FGF14: variants seen among roughly 807,000 people sequenced by gnomAD.
FGF14 encodes fibroblast growth factor 14.
FGF14 carries 5 observed loss-of-function variants against 25.5 expected under a neutral mutation model. The observed-to-expected ratio is 0.20, with a 90% CI of 0.10 to 0.41. FGF14 has a LOEUF of 0.41. Among genes scored for constraint, FGF14 ranks in the 10% least tolerant of loss-of-function variants. The pLI, the probability that FGF14 is intolerant of heterozygous loss-of-function variation, is 1.00. For synonymous variants in FGF14, 138 were observed against 118.3 expected, an observed-to-expected ratio of 1.17 and a Z score of -1.08; for missense variants, 222 against 320.1, an observed-to-expected ratio of 0.69 and a Z score of 2.34.
At chr13:101,936,043 T>C (rs1345680435) in intron 1 of FGF14, among the ~76,000 whole-genome samples, 1 of 152,216 alleles carries the variant, frequency 6.6e-6, no homozygotes, top group Non-Finnish European at 1.5e-5. Context: ...AAACATCCCA[T>C]ATAAACTAAC....
At chr13:102,379,223 T>C (rs969616144) in intron 1 of FGF14, among the ~76,000 whole-genome samples, 4 of 152,096 alleles carry the variant, frequency 2.6e-5, no homozygotes, top group African/African-American at 9.7e-5. Flanking sequence ...ATATCTAAAT[T>C]AAAGGCATTA....
Position 102,036,613 on chromosome 13 carries a change from G to T in FGF14, c.209-161317C>A, listed in dbSNP as rs530654425. 3.3e-5 allele frequency among the ~76,000 whole-genome samples: 5 copies of T among 152,106 alleles called. No individual in the cohort carries two copies. The South Asian group carries it at 1.0e-3, about 32-fold the overall frequency. The stretch of plus-strand genomic sequence containing the variant: ...ACGGTATTTATATGAAATTTCTGAA[G>T]ATATAAGGAAGCAATAAGAAACTAA... On this transcript the variant is annotated intron_variant, in intron 1 of 4. Transcript: ENST00000376131.
At chr13:102,216,848 A>C (rs1441047014) in intron 1 of FGF14, among the ~76,000 whole-genome samples, 1 of 152,062 alleles carries the variant, frequency 6.6e-6, no homozygotes, top group African/African-American at 2.4e-5. Context: ...TCACAATTCT[A>C]TTTTCTAAGT....
chr13:101,751,177 A>T (rs2037248066), intron 3 of FGF14, among the ~76,000 whole-genome samples: 1 of 152,142 alleles, frequency 6.6e-6, no homozygotes, highest in Admixed American at 6.6e-5. Flanking sequence ...CCTAGAGTTA[A>T]CTCTAATGTA....
intron 1 of FGF14, among the ~76,000 whole-genome samples, chr13:102,198,181 C>T (rs775312310): frequency 9.9e-5 from 15 of 152,110 alleles, no homozygotes; most frequent in Non-Finnish European, 1.3e-4. Context: ...CAGCCTCAAA[C>T]AGGGATGCTT....
In FGF14 at chr13:102,119,645, C is replaced by T. The variant is rs139703436; in HGVS notation, c.209-244349G>A. ...AATAATATATATGTATGTCTGTGTG[C>T]ATATATATATTCTATATTCACGCAC... On this transcript the variant is annotated intron_variant, in intron 1 of 4. Coordinates refer to the FGF14 transcript ENST00000376131. Among the ~76,000 whole-genome samples, 991 of 152,088 alleles carry T rather than the reference C, an allele frequency of 6.5e-3. 5 individuals carry two copies. The highest frequency in any genetic ancestry group is 0.027 in the Middle Eastern group (8 of 294).
chr13:102,296,994 TCAA>T (rs373629056), intron 1 of FGF14, among the ~76,000 whole-genome samples: 4 of 152,156 alleles, frequency 2.6e-5, no homozygotes, highest in Admixed American at 1.3e-4. Context: ...AATCATTTAA[TCAA>T]CAACAACAAC....
rs1853079381 is a variant in FGF14 at position 101,718,494 on chromosome 13, G to C, written c.*4337C>G. 6.6e-6 allele frequency: 1 copy of C among 152,042 alleles called. No homozygotes were observed. Among genetic ancestry groups the C allele is most frequent in the African/African-American group, 2.4e-5 (1 of 41,418 alleles). 9.4% of individuals were successfully genotyped at this position (152,042 alleles called of 1,614,324 possible). ...TTCCTGTTTTTAGGAAGTTGCAGTG[G>C]GATTAATGTCAATTGGAAGGGATGC... On this transcript the variant is annotated 3_prime_UTR_variant, in exon 5 of 5. Transcript: ENST00000376143.
At chr13:102,338,514 C>T (rs2056853560) in intron 1 of FGF14, among the ~76,000 whole-genome samples, 1 of 152,166 alleles carries the variant, frequency 6.6e-6, no homozygotes, top group Non-Finnish European at 1.5e-5. Context: ...TCTCACAAAG[C>T]TTCCCATCCA....
intron 1 of FGF14, among the ~76,000 whole-genome samples, chr13:101,945,010 A>G (rs904033176): frequency 6.6e-6 from 1 of 152,064 alleles, no homozygotes; most frequent in Non-Finnish European, 1.5e-5. Flanking sequence ...GCATCATAAA[A>G]CTGTACACTT....
intron 3 of FGF14, among the ~76,000 whole-genome samples, chr13:101,732,950 C>G (rs954329611): frequency 2.6e-5 from 4 of 152,094 alleles, no homozygotes; most frequent in African/African-American, 7.2e-5. Flanking sequence ...AGAGATTTAT[C>G]CCAATCTCTT....
chr13:101,730,131 T>C (rs2035712163), intron 3 of FGF14, among the ~76,000 whole-genome samples: 1 of 152,190 alleles, frequency 6.6e-6, no homozygotes, highest in Non-Finnish European at 1.5e-5. Flanking sequence ...GAGGAAGACA[T>C]GTTGAATTCC....
chr13:101,721,905 C>T lies in FGF14; in HGVS notation c.*926G>A, dbSNP rs1296647814. On this transcript the variant is annotated 3_prime_UTR_variant, in exon 5 of 5. Coordinates refer to ENST00000376143, the MANE Select transcript of FGF14 (RefSeq NM_004115.4). Reference sequence around the variant, plus strand: ...TGAGAATTAATAGATGAAAAATGAACCTTAATCAGGCCTACAAGGCCTACA... The same window carrying T: ...TGAGAATTAATAGATGAAAAATGAATCTTAATCAGGCCTACAAGGCCTACA... The T allele has an allele frequency of 1.3e-5, 2 of 150,032 alleles. No homozygotes were observed. Among genetic ancestry groups the T allele is most frequent in the Non-Finnish European group, 1.5e-5 (1 of 67,652 alleles). 9.3% of individuals were successfully genotyped at this position (150,032 alleles called of 1,614,324 possible).
At chr13:102,149,947 T>G (rs1022300723) in intron 1 of FGF14, among the ~76,000 whole-genome samples, 2 of 152,200 alleles carry the variant, frequency 1.3e-5, no homozygotes, top group African/African-American at 4.8e-5. Context: ...AAGAGAAGCT[T>G]GTCAACAAAT....
chr13:101,754,778 C>T (rs2037534919), intron 3 of FGF14, among the ~76,000 whole-genome samples: 1 of 151,880 alleles, frequency 6.6e-6, no homozygotes, highest in Non-Finnish European at 1.5e-5. Flanking sequence ...TTGAACAGTT[C>T]CTGTGATTTC....
chr13:101,990,603 A>G lies in FGF14; in HGVS notation c.209-115307T>C, dbSNP rs149866039. Among the ~76,000 whole-genome samples, 160 of 152,202 alleles carry G rather than the reference A, an allele frequency of 1.1e-3. No homozygotes were observed. The East Asian group carries it at 0.022, about 21-fold the overall frequency. ...GGACTTGATCATGAGGTTTAAAAAG[A>G]TGGCCATCTCTAGCACTGCATCAGT... On this transcript the variant is annotated intron_variant, in intron 1 of 4. Transcript: ENST00000376131.
chr13:102,066,175 A>G (rs1202687586), intron 1 of FGF14, among the ~76,000 whole-genome samples: 1 of 152,140 alleles, frequency 6.6e-6, no homozygotes, highest in African/African-American at 2.4e-5. Context: ...ATCCATACCA[A>G]TTATTATAGT....
chr13:102,194,866 G>C (rs1261206191), intron 1 of FGF14, among the ~76,000 whole-genome samples: 1 of 152,098 alleles, frequency 6.6e-6, no homozygotes, highest in East Asian at 1.9e-4. Flanking sequence ...CACAGTAATA[G>C]AGAAGTGGCT....
intron 1 of FGF14, among the ~76,000 whole-genome samples, chr13:102,054,984 G>C (rs2042367976): frequency 6.6e-6 from 1 of 152,074 alleles, no homozygotes; most frequent in Non-Finnish European, 1.5e-5. Flanking sequence ...GTACAACCAG[G>C]TATCCATGTC....
Sources: gnomAD v4.1 joint callset for allele counts (sites outside exome capture counted in the v4.1 genomes callset) on GRCh38, gnomAD v4.1.1 for gene constraint, MANE v1.5 for transcripts, NCBI Gene and HGNC (gene_info 2026-07-23, HGNC 2026-07-21) for gene names.